GNG7: variants seen among roughly 807,000 people sequenced by gnomAD.
The protein encoded by GNG7 is guanine nucleotide-binding protein G(I)/G(S)/G(O) subunit gamma-7.
GNG7 carries 1 observed loss-of-function variant against 4.0 expected under a neutral mutation model. That is an observed-to-expected ratio of 0.25 (90% CI 0.09 to 1.18). GNG7 has a LOEUF of 1.18. Among genes scored for constraint, GNG7 ranks in the 50% most tolerant of loss-of-function variants. The pLI is 0.50. For synonymous variants in GNG7, 34 were observed against 36.9 expected (o/e 0.92, Z 0.29); for missense variants, 86 against 91.9 (o/e 0.94, Z 0.26).
At chr19:2,636,543 G>C (rs1237370873) in intron 2 of GNG7, among the ~76,000 whole-genome samples, 1 of 152,128 alleles carries the variant, frequency 6.6e-6, no homozygotes, top group Non-Finnish European at 1.5e-5. Flanking sequence ...TCTCTGGTCC[G>C]AGCTCTGCTC....
At chr19:2,563,198 T>A (rs1979800336) in intron 2 of GNG7, among the ~76,000 whole-genome samples, 1 of 152,168 alleles carries the variant, frequency 6.6e-6, no homozygotes, top group Non-Finnish European at 1.5e-5. Flanking sequence ...TCCACCTGCC[T>A]CAGCCTCCCA....
intron 1 of GNG7, among the ~76,000 whole-genome samples, chr19:2,699,829 G>C (rs1464950719): frequency 6.6e-6 from 1 of 152,196 alleles, no homozygotes; most frequent in East Asian, 1.9e-4. Flanking sequence ...GAGAGACCCA[G>C]ACGCACCCCA....
chr19:2,573,589 G>C (rs1980217851), intron 2 of GNG7, among the ~76,000 whole-genome samples: 1 of 152,002 alleles, frequency 6.6e-6, no homozygotes, highest in Non-Finnish European at 1.5e-5. Context: ...GGCCGAGGCG[G>C]GCAGATTACC....
At chr19:2,686,421 G>A (rs1983872630) in intron 1 of GNG7, among the ~76,000 whole-genome samples, 1 of 152,126 alleles carries the variant, frequency 6.6e-6, no homozygotes, top group Non-Finnish European at 1.5e-5. Flanking sequence ...GCCTCCCAAA[G>A]TGCTGGGATT....
intron 2 of GNG7, among the ~76,000 whole-genome samples, chr19:2,576,530 T>A (rs111778491): frequency 6.6e-6 from 1 of 152,124 alleles, no homozygotes; most frequent in Non-Finnish European, 1.5e-5. Flanking sequence ...TGGTCTTTTT[T>A]ATTTTATTAT....
chr19:2,597,895 CAAA>C (rs71178295), intron 2 of GNG7, among the ~76,000 whole-genome samples: 25 of 118,300 alleles, frequency 2.1e-4, no homozygotes, highest in Admixed American at 2.7e-4. Context: ...GACTCTGTTT[CAAA>C]AAAAAAAAAA....
intron 1 of GNG7, among the ~76,000 whole-genome samples, chr19:2,650,614 G>A (rs73510516): frequency 0.012 from 1,843 of 152,282 alleles, 36 homozygotes; most frequent in African/African-American, 0.042. Context: ...CGATCCCTGC[G>A]GATGCCCCTT....
At chr19:2,602,905 C>CTTTCTTTCTTTCT (rs1555697058) in intron 2 of GNG7, among the ~76,000 whole-genome samples, 2 of 150,322 alleles carry the variant, frequency 1.3e-5, no homozygotes, top group Admixed American at 6.6e-5. Context: ...CTTTTTCTTT[C>CTTTCTTTCTTTCT]TTTCTTTCTT....
At chr19:2,564,382 A>G (rs1183565340) in intron 2 of GNG7, among the ~76,000 whole-genome samples, 1 of 152,106 alleles carries the variant, frequency 6.6e-6, no homozygotes, top group Non-Finnish European at 1.5e-5. Context: ...GGAGTTCGAG[A>G]CCAGCCTGGC....
chr19:2,559,811 TCA>T (rs1437047021), intron 2 of GNG7, among the ~76,000 whole-genome samples: 178 of 150,530 alleles, frequency 1.2e-3, no homozygotes, highest in Admixed American at 1.6e-3. Context: ...CGTGCCTGGC[TCA>T]AAGGTGTCTT....
intron 1 of GNG7, among the ~76,000 whole-genome samples, chr19:2,702,079 A>G (rs1913414318): frequency 7.9e-6 from 1 of 126,218 alleles, no homozygotes; most frequent in Non-Finnish European, 1.7e-5. Flanking sequence ...CAGCCAACTC[A>G]GACCTCCAAT....
At chr19:2,561,832 G>C (rs1408642800) in intron 2 of GNG7, among the ~76,000 whole-genome samples, 1 of 152,040 alleles carries the variant, frequency 6.6e-6, no homozygotes, top group Non-Finnish European at 1.5e-5. Context: ...AGTGAGCCGA[G>C]ATTGCACCAT....
At chr19:2,630,173 A>G (rs1392849771) in intron 2 of GNG7, among the ~76,000 whole-genome samples, 1 of 152,124 alleles carries the variant, frequency 6.6e-6, no homozygotes, top group Non-Finnish European at 1.5e-5. Context: ...GGACGCCAGA[A>G]AAAGGGAGTG....
chr19:2,695,897 G>A (rs770071002), intron 1 of GNG7, among the ~76,000 whole-genome samples: 1 of 152,122 alleles, frequency 6.6e-6, no homozygotes, highest in African/African-American at 2.4e-5. Context: ...GGGGGCTCAC[G>A]CCTGTAATCC....
chr19:2,568,395 AACAC>A (rs764906654), intron 2 of GNG7, among the ~76,000 whole-genome samples: 118 of 107,670 alleles, frequency 1.1e-3, no homozygotes, highest in Admixed American at 1.2e-3. Context: ...ATACAACACA[AACAC>A]ACACACATAT....
intron 2 of GNG7, among the ~76,000 whole-genome samples, chr19:2,564,018 T>C (rs1002641116): frequency 2.0e-5 from 3 of 152,086 alleles, no homozygotes; most frequent in African/African-American, 7.2e-5. Flanking sequence ...AATCAAAGGA[T>C]GGTTAGCCAA....
rs564614375 is a variant in GNG7, at chr19:2,599,861, C to T, written c.-77-44673G>A. Among the ~76,000 whole-genome samples the T allele has an allele frequency of 2.0e-4, 31 of 151,546 alleles. No individual in the cohort carries two copies. The South Asian group carries it at 6.5e-3, about 32-fold the overall frequency. ...CTGAGGCAGGAGAATCGCTTGAGCCCTGGAGGTGGAGGTTGCAGAGAGCTG... is the reference window on the plus strand; with the variant it reads ...CTGAGGCAGGAGAATCGCTTGAGCCTTGGAGGTGGAGGTTGCAGAGAGCTG... On this transcript the variant is annotated intron_variant, in intron 2 of 4. Transcript: ENST00000382159.
chr19:2,560,076 C>T (rs1010515759), intron 2 of GNG7, among the ~76,000 whole-genome samples: 3 of 152,028 alleles, frequency 2.0e-5, no homozygotes, highest in African/African-American at 7.2e-5. Context: ...GGAGGCGGAG[C>T]GTGGCCTGGG....
chr19:2,598,339 C>T (rs543052445), intron 2 of GNG7, among the ~76,000 whole-genome samples: 110 of 152,074 alleles, frequency 7.2e-4, no homozygotes, highest in Non-Finnish European at 1.3e-3. Flanking sequence ...GCCTGGCCAA[C>T]ATGGTGAAAC....
Sources: allele counts gnomAD v4.1 joint callset (sites outside exome capture counted in the v4.1 genomes callset), GRCh38; gene constraint gnomAD v4.1.1; transcripts MANE v1.5; gene names NCBI Gene and HGNC (gene_info 2026-07-23, HGNC 2026-07-21).